ZFYVE26: variants seen among roughly 807,000 people sequenced by gnomAD.
The protein encoded by ZFYVE26 is zinc finger FYVE domain-containing protein 26.
In ZFYVE26, 181 loss-of-function variants were observed where a neutral mutation model predicts 276.5. The observed-to-expected ratio is 0.65, with a 90% CI of 0.58 to 0.74. The LOEUF (loss-of-function observed/expected upper bound fraction) is 0.74, where lower values mean the gene tolerates loss of function less well. Among genes scored for constraint, ZFYVE26 ranks in the 30% least tolerant of loss-of-function variants. The probability of loss-of-function intolerance (pLI) is 0.00; values close to 1 mark genes in which losing one functional copy is unlikely to be tolerated. For missense variants in ZFYVE26, 2,821 were observed against 3,097.9 expected (o/e 0.91, Z 2.12); for synonymous variants, 1,129 against 1,203.1 (o/e 0.94, Z 1.27).
At chr14:67,802,364 G>A (rs2040095538) in intron 9 of ZFYVE26, 82 bp from the exon 10 acceptor site, 9 of 1,415,540 alleles carry the variant, frequency 6.4e-6, no homozygotes, top group African/African-American at 1.4e-5. Context: ...GAGATGCTGT[G>A]CCATACTTAG....
intron 35 of ZFYVE26, among the ~76,000 whole-genome samples, chr14:67,757,640 G>GTCTT (rs57285258): frequency 0.094 from 13,979 of 148,782 alleles, 760 homozygotes; most frequent in South Asian, 0.15. Context: ...AGATATTTTT[G>GTCTT]TCTTTCTTTC....
rs765331817 is a variant in ZFYVE26, at chr14:67,797,753, C to T, written c.2251G>A (p.Glu751Lys). The change falls in exon 12 of 42, where the codon GAG becomes AAG. Residue 751 changes from glutamate to lysine, a missense_variant and splice_region_variant. Physicochemically the swap from Glu to Lys is moderately conservative, Grantham distance 56. Coordinates refer to ENST00000347230, the MANE Select transcript of ZFYVE26 (RefSeq NM_015346.4). ...GGCTGGTATCTTCGGGAAGGTTGCT[C>T]CTCTGAAAGAGCAAACCCAATGGGA... ...KVVTSNHRSE[E>K]QPSRRYQPAT... 5.0e-6 allele frequency: 8 copies of T among 1,613,888 alleles called. No individual in the cohort carries two copies. Among genetic ancestry groups the T allele is most frequent in the South Asian group, 1.1e-5 (1 of 91,060 alleles).
At chr14:67,734,681 A>T (rs1405492969) in intron 13 of ZFYVE26, among the ~76,000 whole-genome samples, 1 of 152,170 alleles carries the variant, frequency 6.6e-6, no homozygotes, top group Non-Finnish European at 1.5e-5. Flanking sequence ...GACAGAGAAA[A>T]AGCAGTTTCA....
chr14:67,729,669 C>G, exon 14 of ZFYVE26: 1 of 589,956 alleles, frequency 1.7e-6, no homozygotes, highest in Non-Finnish European at 3.1e-6. Context: ...TTGGTTATGC[C>G]ATGGAGATCT....
At chr14:67,742,839 T>TTCTTC (rs1491142555), downstream of ZFYVE26, among the ~76,000 whole-genome samples, 26 of 950 alleles carry the variant, frequency 0.027, no homozygotes, top group Non-Finnish European at 0.073. Flanking sequence ...CTTCTTCTTC[T>TTCTTC]TTTTTTTTTT....
intron 32 of ZFYVE26, among the ~76,000 whole-genome samples, chr14:67,763,897 G>A (rs774138212): frequency 2.0e-5 from 3 of 152,132 alleles, no homozygotes; most frequent in African/African-American, 7.2e-5. Flanking sequence ...ACCCTTCTTC[G>A]TGAGTGAGAG....
At chr14:67,780,154 A>G (rs1342064904) in intron 23 of ZFYVE26, 87 bp downstream of exon 23, 2 of 1,207,926 alleles carry the variant, frequency 1.7e-6, no homozygotes, top group Non-Finnish European at 2.4e-6. Flanking sequence ...GTGAACATTG[A>G]TATGCAGAAA....
chr14:67,783,464 A>G lies in ZFYVE26; in HGVS notation c.3688T>C (p.Cys1230Arg). 6.2e-7 allele frequency: 1 copy of G among 1,614,040 alleles called. No individual in the cohort carries two copies. The highest frequency in any genetic ancestry group is 1.7e-5 in the Admixed American group (1 of 60,026). Reference protein sequence around the residue: ...SLSVPQVIVSCCCEPLALCSS... With the variant: ...SLSVPQVIVSRCCEPLALCSS... Reference sequence around the variant, plus strand: ...CAAAGAGCAAGGGGCTCACAGCAGCAGCTGACGATGACCTGTGGCACACTT... The same window carrying G: ...CAAAGAGCAAGGGGCTCACAGCAGCGGCTGACGATGACCTGTGGCACACTT... Residue 1230 changes from cysteine to arginine, a missense_variant, in exon 21 of 42, where the codon TGC (cysteine) becomes CGC (arginine). By Grantham distance (180) the Cys-to-Arg change is radical (BLOSUM62 -3). Transcript: ENST00000347230.
chr14:67,799,129 G>A (rs2040027768), intron 10 of ZFYVE26: 2 of 1,435,600 alleles, frequency 1.4e-6, no homozygotes, highest in Non-Finnish European at 2.0e-6. Flanking sequence ...AGGCGTACTG[G>A]CGGCTACTCT....
Position 67,789,536 on chromosome 14 carries a change from TG to T in ZFYVE26, c.2817del (p.Ile940SerfsTer10). On this transcript the variant is annotated frameshift_variant, in exon 16 of 42. Transcript: ENST00000347230. LOFTEE classifies it high-confidence loss of function. The stretch of plus-strand genomic sequence containing the variant: ...CAAAAGTCCTCCTGGAGCATGGGGA[TG>T]GGGTCTCCAGAGGTGTTGAGCAGCT... ...TDKLLNTSGDPIPMLQEDFWI... is the reference protein window; with the variant it reads ...TDKLLNTSGDXIPMLQEDFWI... 6.2e-7 allele frequency: 1 copy of T among 1,614,108 alleles called. No individual in the cohort carries two copies.
chr14:67,785,926 C>T lies in ZFYVE26; in HGVS notation c.3236G>A (p.Ser1079Asn), dbSNP rs1594917121. The change falls in exon 18 of 42, where the codon AGC becomes AAC. Residue 1079 changes from serine to asparagine, a missense_variant. By Grantham distance (46) the Ser-to-Asn change is conservative. Transcript: ENST00000347230. ...TAGCTGCTGGGAGAGGGTGGTGTGG[C>T]TGGCAACACAGTCCTCGCTTAGGCT... is the stretch of plus-strand genomic sequence containing the variant. ...WPSLSEDCVA[S>N]HTTLSQQLDQ... The T allele has an allele frequency of 2.5e-6, 4 of 1,614,194 alleles. No individual in the cohort carries two copies. Among genetic ancestry groups the T allele is most frequent in the Non-Finnish European group, 3.4e-6 (4 of 1,180,036 alleles).
chr14:67,755,480 G>A (rs1206005779), intron 36 of ZFYVE26, among the ~76,000 whole-genome samples: 7 of 152,160 alleles, frequency 4.6e-5, no homozygotes, highest in Non-Finnish European at 1.0e-4. Context: ...CCGAAGAGAT[G>A]CTAAAAGAAG....
In ZFYVE26 at chr14:67,790,782, G is replaced by C. The variant is rs200809711; in HGVS notation, c.2554-9C>G. The C allele has an allele frequency of 6.2e-7, 1 of 1,613,628 alleles. No individual in the cohort carries two copies. Among genetic ancestry groups the C allele is most frequent in the Admixed American group, 1.7e-5 (1 of 60,008 alleles). ...TTGAACGTGAACAGCACCTGTCATA[G>C]GAGAGGGAGTGTGTGGGCCCTGGTG... On this transcript the variant is annotated splice_polypyrimidine_tract_variant and intron_variant, in intron 14 of 41. Transcript: ENST00000347230.
In ZFYVE26 at chr14:67,806,431, A is replaced by T. The variant is rs983582619; in HGVS notation, c.1017+114T>A. 4 of 1,372,886 alleles carry T rather than the reference A, an allele frequency of 2.9e-6. No individual in the cohort carries two copies. The Admixed American group carries it at 7.2e-5, about 25-fold the overall frequency. 85.0% of individuals were successfully genotyped at this position (1,372,886 alleles called of 1,614,324 possible). On this transcript the variant is annotated intron_variant, in intron 6 of 41. Coordinates refer to ENST00000347230, the MANE Select transcript of ZFYVE26 (RefSeq NM_015346.4). Reference sequence around the variant, plus strand: ...TGGGAGGGACAAAACCAAATGACTCAACACTAATTAGACTGCTTTATGGTG... The same window carrying T: ...TGGGAGGGACAAAACCAAATGACTCTACACTAATTAGACTGCTTTATGGTG...
At position 67,783,797 on chromosome 14, in the gene ZFYVE26, A is replaced by C. The variant is rs7143496; in HGVS notation, c.3627-272T>G. ...ATAGTATTCCATTATATAGATGAAC[A>C]ATAACTAGGCTCCTGTTAGTGGACA... On this transcript the variant is annotated intron_variant, in intron 20 of 41. Transcript: ENST00000347230. 0.68 allele frequency among the ~76,000 whole-genome samples: 104,058 copies of C among 152,076 alleles called. 36,072 individuals are homozygous for C. Among genetic ancestry groups the C allele is most frequent in the East Asian group, 0.98 (5,067 of 5,184 alleles).
At chr14:67,779,049 T>C (rs1326054096) in intron 23 of ZFYVE26, among the ~76,000 whole-genome samples, 2 of 152,174 alleles carry the variant, frequency 1.3e-5, no homozygotes, top group African/African-American at 2.4e-5. Context: ...ACCACAGTGA[T>C]TGGCAAATAA....
chr14:67,789,368 C>T lies in ZFYVE26; in HGVS notation c.2986G>A (p.Glu996Lys), dbSNP rs778790022. The change falls in exon 16 of 42, where the codon GAA becomes AAA. Residue 996 changes from glutamate to lysine, a missense_variant. By Grantham distance (56) the Glu-to-Lys change is moderately conservative. Coordinates refer to ENST00000347230, the MANE Select transcript of ZFYVE26 (RefSeq NM_015346.4). Reference protein sequence around the residue: ...KTCKQLLETAERRLNSSLERR... With the variant: ...KTCKQLLETAKRRLNSSLERR... ...TCAAGGCTACTATTCAAACGCCGTT[C>T]GGCTGTCTCCAAAAGCTGCTTGCAG... 3.5e-5 allele frequency: 56 copies of T among 1,614,064 alleles called. No homozygotes were observed. The highest frequency in any genetic ancestry group is 4.3e-5 in the Non-Finnish European group (51 of 1,180,046).
intron 28 of ZFYVE26, chr14:67,769,959 G>A: frequency 1.8e-6 from 1 of 568,090 alleles, no homozygotes; most frequent in Non-Finnish European, 3.1e-6. Flanking sequence ...CTTTGCGATA[G>A]CTCCTGACAA....
intron 18 of ZFYVE26, among the ~76,000 whole-genome samples, chr14:67,785,512 T>C (rs1009943787): frequency 2.0e-5 from 3 of 152,186 alleles, no homozygotes; most frequent in Non-Finnish European, 4.4e-5. Flanking sequence ...CTGGTGTGTA[T>C]AGTTCTATTT....
Sources: gnomAD v4.1 joint callset for allele counts (sites outside exome capture counted in the v4.1 genomes callset) on GRCh38, gnomAD v4.1.1 for gene constraint, MANE v1.5 for transcripts, NCBI Gene and HGNC (gene_info 2026-07-23, HGNC 2026-07-21) for gene names.